The following DNAJC6 variants were observed in gnomAD, a reference collection of about 807,000 sequenced individuals.
DNAJC6 encodes the protein auxilin.
DNAJC6 carries 34 observed loss-of-function variants against 110.0 expected under a neutral mutation model. That is an observed-to-expected ratio of 0.31 (90% CI 0.24 to 0.41). The LOEUF is 0.41. DNAJC6 is among the 10% of genes least tolerant of loss of function. DNAJC6 has a pLI of 1.00. For missense variants in DNAJC6, 1,031 were observed against 1,207.8 expected (o/e 0.85, Z 2.17); for synonymous variants, 406 against 437.2 (o/e 0.93, Z 0.89).
At chr1:65,278,052 C>A (rs781511956) in intron 1 of DNAJC6, among the ~76,000 whole-genome samples, 1 of 152,302 alleles carries the variant, frequency 6.6e-6, no homozygotes, top group Admixed American at 6.5e-5. Flanking sequence ...AAAAGTAATT[C>A]TTTCTCTTAG....
intron 1 of DNAJC6, among the ~76,000 whole-genome samples, chr1:65,270,973 C>T (rs1352647386): frequency 1.3e-5 from 2 of 152,214 alleles, no homozygotes; most frequent in South Asian, 2.1e-4. Flanking sequence ...GCCACTTGGC[C>T]TGGCAAAATT....
intron 1 of DNAJC6, among the ~76,000 whole-genome samples, chr1:65,283,179 T>C (rs1653907206): frequency 6.6e-6 from 1 of 152,230 alleles, no homozygotes; most frequent in Admixed American, 6.5e-5. Flanking sequence ...TATGTGTGTG[T>C]GTTTATGTTT....
At chr1:65,403,692 A>G (rs1216818051) in intron 15 of DNAJC6, among the ~76,000 whole-genome samples, 3 of 152,202 alleles carry the variant, frequency 2.0e-5, no homozygotes, top group Non-Finnish European at 2.9e-5. Flanking sequence ...GCTTTTAATG[A>G]GGACTGCAGT....
chr1:65,347,645 A>G (rs1465854614), intron 1 of DNAJC6, among the ~76,000 whole-genome samples: 1 of 152,062 alleles, frequency 6.6e-6, no homozygotes, highest in Non-Finnish European at 1.5e-5. Context: ...TTCATAAATT[A>G]GAAACTGGAA....
intron 1 of DNAJC6, among the ~76,000 whole-genome samples, chr1:65,347,981 C>T (rs1645453704): frequency 6.6e-6 from 1 of 151,376 alleles, no homozygotes; most frequent in African/African-American, 2.5e-5. Context: ...ATGCAGACAG[C>T]CTTATTGGAC....
Position 65,267,171 on chromosome 1 carries a change from A to T in DNAJC6, c.-131+2239A>T, listed in dbSNP as rs568571037. Among the ~76,000 whole-genome samples the T allele has an allele frequency of 1.1e-4, 16 of 152,258 alleles. No individual in the cohort carries two copies. In the East Asian group the frequency reaches 3.1e-3, roughly 29 times the overall value. ...CTCGGCCTCCCAAAGTGCTGGAGTT[A>T]CAGGTATGAGCCACCGTGCCTGGCC... On this transcript the variant is annotated intron_variant, in intron 1 of 19. Coordinates refer to the DNAJC6 transcript ENST00000263441.
At chr1:65,346,821 C>A (rs1187736811) in intron 1 of DNAJC6, among the ~76,000 whole-genome samples, 1 of 151,902 alleles carries the variant, frequency 6.6e-6, no homozygotes, top group Non-Finnish European at 1.5e-5. Flanking sequence ...ACTAAAATGC[C>A]CTTCAGCCCA....
intron 1 of DNAJC6, among the ~76,000 whole-genome samples, chr1:65,301,450 A>C (rs562516971): frequency 6.6e-6 from 1 of 151,994 alleles, no homozygotes; most frequent in East Asian, 1.9e-4. Context: ...TGCTCCCCCA[A>C]CCTACCACCT....
intron 1 of DNAJC6, among the ~76,000 whole-genome samples, chr1:65,268,454 C>T (rs1160637006): frequency 6.6e-6 from 1 of 152,158 alleles, no homozygotes; most frequent in Non-Finnish European, 1.5e-5. Flanking sequence ...ACCATAGCTC[C>T]TATTTAATTA....
At chr1:65,278,079 G>A (rs1387441144) in intron 1 of DNAJC6, among the ~76,000 whole-genome samples, 1 of 152,188 alleles carries the variant, frequency 6.6e-6, no homozygotes, top group Non-Finnish European at 1.5e-5. Flanking sequence ...GTGGGTACTT[G>A]GTTACAGTCT....
chr1:65,381,324 G>A (rs1049460048), intron 5 of DNAJC6, among the ~76,000 whole-genome samples: 6 of 152,028 alleles, frequency 3.9e-5, no homozygotes, highest in Non-Finnish European at 7.4e-5. Flanking sequence ...GAGGCAGGTG[G>A]ATCACTTGAG....
chr1:65,400,377 A>G (rs1192737413), intron 14 of DNAJC6, among the ~76,000 whole-genome samples: 1 of 152,188 alleles, frequency 6.6e-6, no homozygotes, highest in East Asian at 1.9e-4. Context: ...AATGTAGTAG[A>G]TCATCATTAA....
At chr1:65,377,107 T>C (rs1645774301) in intron 4 of DNAJC6, among the ~76,000 whole-genome samples, 1 of 152,232 alleles carries the variant, frequency 6.6e-6, no homozygotes, top group Non-Finnish European at 1.5e-5. Context: ...TTGTGGACTA[T>C]GGTCTATTCT....
intron 1 of DNAJC6, among the ~76,000 whole-genome samples, chr1:65,291,805 CT>C (rs1486737259): frequency 2.0e-5 from 3 of 152,128 alleles, no homozygotes; most frequent in Non-Finnish European, 4.4e-5. Flanking sequence ...GATAGAAAAG[CT>C]TTGGATAACT....
intron 1 of DNAJC6, among the ~76,000 whole-genome samples, chr1:65,322,269 G>T (rs934931815): frequency 2.6e-5 from 4 of 152,064 alleles, no homozygotes; most frequent in East Asian, 3.8e-4. Context: ...TTAATGAAAA[G>T]AATATTTAAA....
intron 11 of DNAJC6, among the ~76,000 whole-genome samples, chr1:65,390,760 G>T (rs7545720): frequency 0.65 from 99,415 of 152,132 alleles, 33,175 homozygotes; most frequent in African/African-American, 0.81. Context: ...ATAAAATTCC[G>T]TTGAATTGAA....
intron 11 of DNAJC6, among the ~76,000 whole-genome samples, chr1:65,390,047 C>T (rs1645911698): frequency 6.6e-6 from 1 of 150,612 alleles, no homozygotes; most frequent in Non-Finnish European, 1.5e-5. Flanking sequence ...TTCAAGTTTA[C>T]ATCCTTCCAA....
upstream of DNAJC6, among the ~76,000 whole-genome samples, chr1:65,307,016 C>CTA (rs1436882652): frequency 7.0e-3 from 515 of 73,620 alleles, 1 homozygote; most frequent in Non-Finnish European, 9.9e-3. Flanking sequence ...CTCTCTCTCT[C>CTA]TCTATATATA....
chr1:65,348,091 G>T (rs916336514), intron 1 of DNAJC6, among the ~76,000 whole-genome samples: 2 of 152,152 alleles, frequency 1.3e-5, no homozygotes, highest in Non-Finnish European at 2.9e-5. Flanking sequence ...TTTGCAGTTA[G>T]AGCAATATTT....
Sources: gnomAD v4.1 joint callset for allele counts (sites outside exome capture counted in the v4.1 genomes callset) on GRCh38, gnomAD v4.1.1 for gene constraint, MANE v1.5 for transcripts, NCBI Gene and HGNC (gene_info 2026-07-23, HGNC 2026-07-21) for gene names.